The following OR10J1 variants were observed in gnomAD, a reference collection of about 807,000 sequenced individuals.
OR10J1 encodes the protein olfactory receptor 10J1.
For missense variants in OR10J1, 474 were observed against 376.6 expected (o/e 1.26, Z -2.14); for synonymous variants, 202 against 143.8 (o/e 1.40, Z -2.89).
the OR10J1 span, chr1:159,405,721 T>C: frequency 1.3e-6 from 1 of 761,984 alleles, no homozygotes; most frequent in East Asian, 2.9e-5. Context: ...GATGAGGTCA[T>C]AGGAGATAAA....
upstream of OR10J1, among the ~76,000 whole-genome samples, chr1:159,439,126 T>C (rs1384891202): frequency 1.3e-5 from 2 of 152,200 alleles, no homozygotes; most frequent in Middle Eastern, 3.2e-3. Context: ...AGGCTGGTGG[T>C]TGGCTAAGAT....
chr1:159,414,453 T>C, the OR10J1 span, among the ~76,000 whole-genome samples: 1 of 152,162 alleles, frequency 6.6e-6, no homozygotes, highest in Non-Finnish European at 1.5e-5. Flanking sequence ...AGTATTCCAT[T>C]GTGTTTACAT....
chr1:159,412,444 A>C, the OR10J1 span, among the ~76,000 whole-genome samples: 2 of 150,174 alleles, frequency 1.3e-5, no homozygotes, highest in East Asian at 3.9e-4. Context: ...CTATACTACA[A>C]GGCTACAGTA....
the OR10J1 span, among the ~76,000 whole-genome samples, chr1:159,412,670 T>G: frequency 1.3e-5 from 2 of 151,908 alleles, no homozygotes; most frequent in East Asian, 3.9e-4. Flanking sequence ...TCCTTACACC[T>G]TACACAAAAA....
At chr1:159,426,127 G>A in the OR10J1 span, among the ~76,000 whole-genome samples, 1 of 151,648 alleles carries the variant, frequency 6.6e-6, no homozygotes, top group African/African-American at 2.4e-5. Context: ...TAACCAAAAG[G>A]CTGGCTAAGA....
In OR10J1 at chr1:159,440,493, G is replaced by A. The variant is rs147037013; in HGVS notation, c.702G>A (p.Lys234=). The A allele has an allele frequency of 9.0e-5, 146 of 1,614,018 alleles. No homozygotes were observed. Among genetic ancestry groups the A allele is most frequent in the Admixed American group, 1.3e-4 (8 of 59,986 alleles). ...AGATTGCTTCAGTTGAGGGCCGGAAGAAGGCTTTTGCCACCTGTGCATCCC... is the reference window on the plus strand; with the variant it reads ...AGATTGCTTCAGTTGAGGGCCGGAAAAAGGCTTTTGCCACCTGTGCATCCC... The part of the protein sequence containing the change: ...ILKIASVEGR[K]KAFATCASHL... Residue 234 remains lysine (K), a synonymous_variant, in exon 1 of 1, where the codon AAG becomes AAA. Coordinates refer to ENST00000423932, the MANE Select transcript of OR10J1 (RefSeq NM_012351.3).
chr1:159,423,708 A>T, the OR10J1 span, among the ~76,000 whole-genome samples: 1 of 152,170 alleles, frequency 6.6e-6, no homozygotes, highest in African/African-American at 2.4e-5. Context: ...GACTCCCACA[A>T]TTCTGGCAAC....
At chr1:159,407,714 A>G in the OR10J1 span, among the ~76,000 whole-genome samples, 1 of 152,156 alleles carries the variant, frequency 6.6e-6, no homozygotes, top group Non-Finnish European at 1.5e-5. Context: ...AAAATTCACA[A>G]CTGATCTTAA....
chr1:159,400,292 G>A, the OR10J1 span, among the ~76,000 whole-genome samples: 5 of 151,706 alleles, frequency 3.3e-5, no homozygotes, highest in African/African-American at 2.4e-5. Flanking sequence ...CTGACTGAAC[G>A]GATGAAAAAA....
chr1:159,427,879 T>C, the OR10J1 span, among the ~76,000 whole-genome samples: 2 of 152,160 alleles, frequency 1.3e-5, no homozygotes, highest in African/African-American at 4.8e-5. Flanking sequence ...TTAAAACGTA[T>C]GAATGAGCCA....
chr1:159,401,142 C>G, the OR10J1 span, among the ~76,000 whole-genome samples: 1 of 149,302 alleles, frequency 6.7e-6, no homozygotes, highest in Non-Finnish European at 1.5e-5. Flanking sequence ...AGTGCCTGCA[C>G]CAAAAAAAAA....
rs1381590788 is a variant in OR10J1 at position 159,440,745 on chromosome 1, G to A, written c.*24G>A. 2.5e-6 allele frequency: 4 copies of A among 1,593,092 alleles called. No homozygotes were observed. The highest frequency in any genetic ancestry group is 2.6e-6 in the Non-Finnish European group (3 of 1,167,052). ...GACCATGTAGGAAGAGTTCTCCTGAGGCTGTCAACATCCACACTAGGCAGG... is the reference window on the plus strand; with the variant it reads ...GACCATGTAGGAAGAGTTCTCCTGAAGCTGTCAACATCCACACTAGGCAGG... On this transcript the variant is annotated 3_prime_UTR_variant, in exon 1 of 1. Transcript: ENST00000423932.
chr1:159,404,135 TG>T, the OR10J1 span, among the ~76,000 whole-genome samples: 1 of 151,528 alleles, frequency 6.6e-6, no homozygotes, highest in East Asian at 1.9e-4. Context: ...GAGGGGGAGG[TG>T]GGGATTGTAA....
At chr1:159,427,662 C>T in the OR10J1 span, among the ~76,000 whole-genome samples, 1 of 151,852 alleles carries the variant, frequency 6.6e-6, no homozygotes, top group East Asian at 1.9e-4. Context: ...CTACTCTTTC[C>T]AAAAAACAAA....
chr1:159,404,580 C>T, the OR10J1 span, among the ~76,000 whole-genome samples: 2 of 152,022 alleles, frequency 1.3e-5, no homozygotes, highest in Non-Finnish European at 2.9e-5. Context: ...AGAGAAGATG[C>T]TTTTTTCCCC....
chr1:159,412,823 C>A, the OR10J1 span, among the ~76,000 whole-genome samples: 1 of 151,162 alleles, frequency 6.6e-6, no homozygotes, highest in Non-Finnish European at 1.5e-5. Flanking sequence ...CAACAAAAGA[C>A]AAAATTGACA....
chr1:159,418,196 A>G, the OR10J1 span, among the ~76,000 whole-genome samples: 6 of 152,210 alleles, frequency 3.9e-5, no homozygotes, highest in Admixed American at 3.9e-4. Context: ...AGCCAGCTGG[A>G]GAAGTTTTCT....
chr1:159,410,591 TTTTC>T, the OR10J1 span, among the ~76,000 whole-genome samples: 1 of 151,956 alleles, frequency 6.6e-6, no homozygotes. Context: ...TCCTCTCTTT[TTTTC>T]TTTATTAGTC....
chr1:159,424,228 A>G, the OR10J1 span, among the ~76,000 whole-genome samples: 1 of 151,430 alleles, frequency 6.6e-6, no homozygotes, highest in Admixed American at 6.6e-5. Flanking sequence ...AAAAAAAAAA[A>G]GCCACACTGG....
Sources: gnomAD v4.1 joint callset for allele counts (sites outside exome capture counted in the v4.1 genomes callset) on GRCh38, gnomAD v4.1.1 for gene constraint, MANE v1.5 for transcripts, NCBI Gene and HGNC (gene_info 2026-07-23, HGNC 2026-07-21) for gene names.